CPNE2: variants seen among roughly 807,000 people sequenced by gnomAD.
CPNE2 encodes copine 2.
A neutral mutation model predicts 69.7 loss-of-function variants in CPNE2; 42 were observed. The ratio of observed to expected loss-of-function variants is 0.60; its 90% CI spans 0.47 to 0.78. CPNE2 has a LOEUF of 0.78. Ranked by LOEUF, CPNE2 falls within the 30% of genes least tolerant of loss-of-function variation. The probability of loss-of-function intolerance (pLI) is 0.00; values close to 1 mark genes in which losing one functional copy is unlikely to be tolerated. For synonymous variants in CPNE2, 294 were observed against 289.8 expected (o/e 1.01, Z -0.15); for missense variants, 587 against 732.0 (o/e 0.80, Z 2.29).
At chr16:57,106,103 TC>T (rs2069646585) in intron 1 of CPNE2, 2 of 153,822 alleles carry the variant, frequency 1.3e-5, no homozygotes, top group Non-Finnish European at 2.9e-5. Context: ...GACCCACTCT[TC>T]CCCCCGCCTG....
At chr16:57,114,829 A>G (rs1441560019) in intron 3 of CPNE2, among the ~76,000 whole-genome samples, 1 of 150,334 alleles carries the variant, frequency 6.7e-6, no homozygotes, top group Non-Finnish European at 1.5e-5. Flanking sequence ...CGGGCTCTAT[A>G]GCTCATGCCT....
chr16:57,139,990 C>A (rs2069909803), intron 14 of CPNE2, among the ~76,000 whole-genome samples: 1 of 152,100 alleles, frequency 6.6e-6, no homozygotes, highest in Non-Finnish European at 1.5e-5. Flanking sequence ...GACAGGCCAG[C>A]AAAGCGCTCA....
intron 1 of CPNE2, among the ~76,000 whole-genome samples, chr16:57,107,482 G>A (rs925381733): frequency 2.6e-5 from 4 of 152,178 alleles, no homozygotes; most frequent in Admixed American, 2.6e-4. Context: ...GGGCTTGCAG[G>A]GGACTGCATC....
Position 57,147,698 on chromosome 16 carries a change from G to A in CPNE2, c.*40G>A. 1 of 1,385,988 alleles carries A rather than the reference G, an allele frequency of 7.2e-7. No individual in the cohort carries two copies. The highest frequency in any genetic ancestry group is 1.0e-6 in the Non-Finnish European group (1 of 1,002,482). 85.9% of individuals were successfully genotyped at this position (1,385,988 alleles called of 1,614,324 possible). A position where few individuals can be genotyped will look rare whatever the true frequency, so the allele number is the denominator to read the frequency against. On this transcript the variant is annotated 3_prime_UTR_variant, in exon 16 of 16. Transcript: ENST00000290776. ...CAGCAGCATGTCAGCTGAGCCTCCTGCCCTCCCCCAGGAACATGCACGCTC... is the reference window on the plus strand; with the variant it reads ...CAGCAGCATGTCAGCTGAGCCTCCTACCCTCCCCCAGGAACATGCACGCTC...
At chr16:57,093,114 G>T (rs1435350336) in intron 1 of CPNE2, among the ~76,000 whole-genome samples, 1 of 152,016 alleles carries the variant, frequency 6.6e-6, no homozygotes, top group Non-Finnish European at 1.5e-5. Flanking sequence ...CTTGGAGGGC[G>T]TACGGGAGGT....
In CPNE2 at chr16:57,146,278, C is replaced by T. The variant is rs1158404648; in HGVS notation, c.1496C>T (p.Ala499Val). Reference protein sequence around the residue: ...MLRSHTGEEAARDIVQFVPFR... With the variant: ...MLRSHTGEEAVRDIVQFVPFR... The stretch of plus-strand genomic sequence containing the variant: ...CGCTCCCACACGGGGGAGGAGGCAG[C>T]CCGCGATATTGTGCAGTTCGTTCCC... The change falls in exon 15 of 16, where the codon GCC becomes GTC. Residue 499 changes from alanine (A) to valine (V), a missense_variant. This residue lies in a region of CPNE2 where 185 missense variants were observed against 252.3 expected (regional missense o/e 0.73). Coordinates refer to ENST00000290776, the MANE Select transcript of CPNE2 (RefSeq NM_152727.6). The surrounding 1 kb of genome is among the most constrained non-coding windows in gnomAD (Gnocchi z 4.4). 1.6e-5 allele frequency: 25 copies of T among 1,555,564 alleles called. No homozygotes were observed. The highest frequency in any genetic ancestry group is 3.3e-4 in the Middle Eastern group (2 of 6,018).
chr16:57,095,703 G>A (rs1472980627), intron 1 of CPNE2, among the ~76,000 whole-genome samples: 3 of 152,134 alleles, frequency 2.0e-5, no homozygotes, highest in Admixed American at 2.0e-4. Flanking sequence ...GGCCTCAGGT[G>A]ATCCACCCAC....
chr16:57,128,017 C>T (rs1177750070), intron 12 of CPNE2, 114 bp downstream of exon 12: 6 of 1,027,062 alleles, frequency 5.8e-6, no homozygotes, highest in Non-Finnish European at 9.0e-6. Context: ...CCTGCCTTCC[C>T]TGTGTTCACC....
At chr16:57,097,445 T>C (rs2069584815) in intron 1 of CPNE2, among the ~76,000 whole-genome samples, 1 of 152,108 alleles carries the variant, frequency 6.6e-6, no homozygotes, top group Non-Finnish European at 1.5e-5. Context: ...AGACCCAAAG[T>C]CCCAAGTGAA....
chr16:57,116,847 G>C (rs1414422841), intron 4 of CPNE2, among the ~76,000 whole-genome samples: 1 of 152,032 alleles, frequency 6.6e-6, no homozygotes, highest in Admixed American at 6.5e-5. Context: ...GGCAGGAGAG[G>C]AGAGGAGGCC....
At position 57,092,700 on chromosome 16, in the gene CPNE2, A is replaced by T. The variant is rs2069551436; in HGVS notation, c.-126A>T. ...TGTCCCGCGCCCGCGGGCCCGGCCG[A>T]GCAGGAGCAGCTCCCGGGGATGCCC... On this transcript the variant is annotated 5_prime_UTR_variant, in exon 1 of 16. Transcript: ENST00000290776. This position sits in a 1 kb window ranked among gnomAD's most constrained non-coding sequence, Gnocchi z 5.3. The T allele has an allele frequency of 6.7e-6, 1 of 149,386 alleles. No homozygotes were observed. The highest frequency in any genetic ancestry group is 1.5e-5 in the Non-Finnish European group (1 of 67,028). The allele number at this position is 149,386 out of a possible 1,614,324, so 9.3% of individuals were successfully genotyped here. A position where few individuals can be genotyped will look rare whatever the true frequency, so the allele number is the denominator to read the frequency against.
rs980402217 is a variant in CPNE2 at position 57,119,433 on chromosome 16, G to A, written c.592-128G>A. On this transcript the variant is annotated intron_variant, in intron 6 of 15. Transcript: ENST00000290776. ...TATGCTTCCTCCCAGCCACAGGGAC[G>A]CTCACTTCTGTCTCTGGAAGTGTGG... 3.5e-5 allele frequency: 39 copies of A among 1,108,178 alleles called. 1 individual carries two copies. Among genetic ancestry groups the A allele is most frequent in the East Asian group, 3.2e-4 (13 of 40,916 alleles). The allele number at this position is 1,108,178 out of a possible 1,614,324, so 68.6% of individuals were successfully genotyped here.
At chr16:57,119,128 A>C in intron 5 of CPNE2, 67 bp from the exon 6 acceptor site, 1 of 1,403,768 alleles carries the variant, frequency 7.1e-7, no homozygotes, top group East Asian at 2.3e-5. Context: ...CAGCAGGGCC[A>C]CACCCCCATC....
chr16:57,101,121 G>A (rs777130354), intron 1 of CPNE2, among the ~76,000 whole-genome samples: 3 of 152,202 alleles, frequency 2.0e-5, no homozygotes, highest in East Asian at 1.9e-4. Context: ...TCTCAAAGAC[G>A]GAATTCAGCC....
intron 15 of CPNE2, chr16:57,147,310 C>T (rs1343732110): frequency 2.6e-6 from 1 of 382,282 alleles, no homozygotes; most frequent in Non-Finnish European, 4.7e-6. Flanking sequence ...CCAAGCATCT[C>T]AAGTGCTCCA....
chr16:57,133,644 C>T (rs1402051013), intron 12 of CPNE2, among the ~76,000 whole-genome samples: 12 of 152,158 alleles, frequency 7.9e-5, no homozygotes, highest in African/African-American at 2.9e-4. Context: ...AGCTGAGGAC[C>T]GGGGCACCCC....
At chr16:57,113,067 G>A (rs184145223) in intron 2 of CPNE2, 25 of 480,380 alleles carry the variant, frequency 5.2e-5, no homozygotes, top group Middle Eastern at 1.0e-3. Flanking sequence ...TTCAAATCTC[G>A]GCCCTGCTCC....
intron 14 of CPNE2, chr16:57,142,078 A>G (rs1488740456): frequency 6.6e-6 from 1 of 152,260 alleles, no homozygotes; most frequent in Non-Finnish European, 1.5e-5. Context: ...GCACTCTCCC[A>G]TTCATTCACT....
chr16:57,109,195 C>T (rs2069664956), intron 1 of CPNE2, among the ~76,000 whole-genome samples: 1 of 152,124 alleles, frequency 6.6e-6, no homozygotes, highest in African/African-American at 2.4e-5. Flanking sequence ...AAAGGAATAG[C>T]CAGGCGCGGT....
Sources: allele counts gnomAD v4.1 joint callset (sites outside exome capture counted in the v4.1 genomes callset), GRCh38; gene constraint gnomAD v4.1.1; regional missense constraint gnomAD v4.1.1; non-coding constraint Gnocchi (gnomAD v3.1); transcripts MANE v1.5; gene names NCBI Gene and HGNC (gene_info 2026-07-23, HGNC 2026-07-21).